The following USO1 variants were observed in gnomAD, a reference collection of about 807,000 sequenced individuals.
USO1 encodes USO1 vesicle transport factor.
USO1 carries 57 observed loss-of-function variants against 124.5 expected under a neutral mutation model. The ratio of observed to expected loss-of-function variants is 0.46; its 90% CI spans 0.37 to 0.57. USO1 has a LOEUF of 0.57. Among genes scored for constraint, USO1 ranks in the 20% least tolerant of loss-of-function variants. The pLI, the probability that USO1 is intolerant of heterozygous loss-of-function variation, is 0.00. For missense variants in USO1, 900 were observed against 1,040.6 expected, an observed-to-expected ratio of 0.86 and a Z score of 1.86; for synonymous variants, 369 against 362.8, an observed-to-expected ratio of 1.02 and a Z score of -0.19.
Position 75,731,856 on chromosome 4 carries a change from TA to T in USO1, c.66+6979del, listed in dbSNP as rs36117906. On this transcript the variant is annotated intron_variant, in intron 1 of 23. Transcript: ENST00000514213. Reference sequence around the variant, plus strand: ...GTCAGTTAAGTAGTTACTGAATACTTAAAAAAAAGAATTGTGAAAAAATACT... The same window carrying T: ...GTCAGTTAAGTAGTTACTGAATACTTAAAAAAAGAATTGTGAAAAAATACT... Among the ~76,000 whole-genome samples, 7 of 152,130 alleles carry T rather than the reference TA, an allele frequency of 4.6e-5. No individual in the cohort carries two copies. The East Asian group carries it at 1.4e-3, about 29-fold the overall frequency.
chr4:75,797,003 A>G (rs903992449), intron 13 of USO1, among the ~76,000 whole-genome samples: 4 of 146,980 alleles, frequency 2.7e-5, no homozygotes, highest in Non-Finnish European at 5.9e-5. Flanking sequence ...AGGCCTTTCC[A>G]TGTTCAGATT....
At chr4:75,758,661 T>C (rs1325880513) in intron 4 of USO1, among the ~76,000 whole-genome samples, 1 of 152,138 alleles carries the variant, frequency 6.6e-6, no homozygotes, top group Non-Finnish European at 1.5e-5. Context: ...GGTGGAAGGA[T>C]TGCTTGAACC....
At chr4:75,791,841 A>G (rs908715453) in intron 12 of USO1, among the ~76,000 whole-genome samples, 5 of 152,110 alleles carry the variant, frequency 3.3e-5, no homozygotes, top group African/African-American at 1.2e-4. Context: ...AAAATTATTG[A>G]TCATTAATGA....
At chr4:75,742,663 G>A (rs1447547769) in intron 1 of USO1, among the ~76,000 whole-genome samples, 2 of 152,168 alleles carry the variant, frequency 1.3e-5, no homozygotes, top group African/African-American at 4.8e-5. Flanking sequence ...AAGGCCTAGG[G>A]GCAAACATTT....
intron 1 of USO1, among the ~76,000 whole-genome samples, chr4:75,741,730 G>A (rs1720967557): frequency 6.7e-6 from 1 of 149,970 alleles, no homozygotes; most frequent in Non-Finnish European, 1.5e-5. Flanking sequence ...TCAGCCTCTC[G>A]AGTAGCTGGG....
chr4:75,785,713 T>G (rs1486939832), intron 9 of USO1, among the ~76,000 whole-genome samples: 1 of 152,142 alleles, frequency 6.6e-6, no homozygotes, highest in Non-Finnish European at 1.5e-5. Flanking sequence ...TATTAGAGGA[T>G]AGTAGAAAAT....
At chr4:75,807,116 A>G (rs1723019949) in intron 20 of USO1, among the ~76,000 whole-genome samples, 1 of 152,182 alleles carries the variant, frequency 6.6e-6, no homozygotes, top group African/African-American at 2.4e-5. Context: ...TAGTATTTAT[A>G]AATTCCTGTT....
chr4:75,750,468 AT>A (rs2149152795), intron 1 of USO1, among the ~76,000 whole-genome samples: 1 of 151,724 alleles, frequency 6.6e-6, no homozygotes, highest in East Asian at 1.9e-4. Flanking sequence ...AATTTATTAC[AT>A]TTTTCTTTTT....
At position 75,734,106 on chromosome 4, in the gene USO1, C is replaced by A. The variant is rs1577923378; in HGVS notation, c.66+9221C>A. Reference sequence around the variant, plus strand: ...GACTACAGATGCACACCACCACACCCAGATAATTTTTGTATTTTTAGTAGA... The same window carrying A: ...GACTACAGATGCACACCACCACACCAAGATAATTTTTGTATTTTTAGTAGA... On this transcript the variant is annotated intron_variant, in intron 1 of 23. Coordinates refer to ENST00000514213, the MANE Select transcript of USO1 (RefSeq NM_003715.4). 2.0e-5 allele frequency among the ~76,000 whole-genome samples: 3 copies of A among 151,876 alleles called. No homozygotes were observed. The East Asian group carries it at 5.8e-4, about 29-fold the overall frequency.
intron 22 of USO1, among the ~76,000 whole-genome samples, chr4:75,811,438 G>T (rs576150907): frequency 1.3e-5 from 2 of 152,224 alleles, no homozygotes; most frequent in African/African-American, 4.8e-5. Flanking sequence ...GATTACAGGC[G>T]TGAGCCACCA....
chr4:75,748,851 CTTTGGAAAA>C (rs1721210712), intron 1 of USO1, among the ~76,000 whole-genome samples: 1 of 151,996 alleles, frequency 6.6e-6, no homozygotes, highest in Non-Finnish European at 1.5e-5. Flanking sequence ...TGCAGTCTTG[CTTTGGAAAA>C]CTATTTTGAC....
chr4:75,810,595 A>C (rs1723119840), intron 22 of USO1, 56 bp downstream of exon 22: 1 of 1,492,742 alleles, frequency 6.7e-7, no homozygotes. Context: ...GAACTCTAGG[A>C]AATTTTATAT....
chr4:75,760,579 T>A, intron 4 of USO1: 1 of 397,790 alleles, frequency 2.5e-6, no homozygotes, highest in Non-Finnish European at 4.4e-6. Context: ...TATTTATTTT[T>A]ATCTACCTTT....
chr4:75,810,173 A>T (rs1303176467), intron 21 of USO1, among the ~76,000 whole-genome samples: 1 of 152,156 alleles, frequency 6.6e-6, no homozygotes, highest in Non-Finnish European at 1.5e-5. Context: ...TGCCTTGCTG[A>T]TTACTTTTCT....
intron 1 of USO1, among the ~76,000 whole-genome samples, chr4:75,740,080 T>A (rs183634633): frequency 6.6e-6 from 1 of 152,298 alleles, no homozygotes; most frequent in African/African-American, 2.4e-5. Flanking sequence ...ACACATGTAA[T>A]CCTAGCACTT....
chr4:75,808,683 C>T (rs1282487445), intron 20 of USO1, among the ~76,000 whole-genome samples: 1 of 151,218 alleles, frequency 6.6e-6, no homozygotes, highest in Admixed American at 6.6e-5. Flanking sequence ...TTCTTCCTCT[C>T]TCCCTCCCAT....
chr4:75,771,764 A>G (rs968848920), intron 7 of USO1, among the ~76,000 whole-genome samples: 4 of 152,200 alleles, frequency 2.6e-5, no homozygotes, highest in African/African-American at 9.7e-5. Context: ...TTATATTTGC[A>G]TATAAGTTTG....
At chr4:75,803,136 T>C (rs1424788777) in intron 17 of USO1, among the ~76,000 whole-genome samples, 1 of 139,702 alleles carries the variant, frequency 7.2e-6, no homozygotes, top group Non-Finnish European at 1.6e-5. Context: ...AGAAAAAAAA[T>C]GGAAAGCAAC....
intron 1 of USO1, 180 bp downstream of exon 1, chr4:75,725,065 C>T: frequency 1.5e-6 from 1 of 687,298 alleles, no homozygotes; most frequent in Non-Finnish European, 2.4e-6. Context: ...ACGCCCCCAG[C>T]TCAGTCCCCA....
Sources: allele counts gnomAD v4.1 joint callset (sites outside exome capture counted in the v4.1 genomes callset), GRCh38; gene constraint gnomAD v4.1.1; transcripts MANE v1.5; gene names NCBI Gene and HGNC (gene_info 2026-07-23, HGNC 2026-07-21).